The following MAN1A1 variants were observed in gnomAD, a reference collection of about 807,000 sequenced individuals.
MAN1A1 encodes the protein mannosidase alpha class 1A member 1.
MAN1A1 carries 29 observed loss-of-function variants against 70.8 expected under a neutral mutation model. The ratio of observed to expected loss-of-function variants is 0.41; its 90% CI spans 0.31 to 0.56. The LOEUF (loss-of-function observed/expected upper bound fraction) is 0.56. MAN1A1 is among the 20% of genes least tolerant of loss of function. The pLI is 0.29. For missense variants in MAN1A1, 747 were observed against 841.3 expected, an observed-to-expected ratio of 0.89 and a Z score of 1.39; for synonymous variants, 349 against 330.1, an observed-to-expected ratio of 1.06 and a Z score of -0.62.
chr6:119,193,822 G>A lies in MAN1A1; in HGVS notation c.1281C>T (p.Asp427=). Residue 427 remains aspartate, a synonymous_variant, in exon 9 of 13, where the codon GAC becomes GAT. Transcript: ENST00000368468. ...TCTTCTTAGCTTCCAGATCTGTCTT[G>A]TCAGACATTAACCAGGCCTTCAGCA... ...EYLLKAWLMS[D]KTDLEAKKMY... 6.2e-7 allele frequency: 1 copy of A among 1,613,698 alleles called. No homozygotes were observed. Among genetic ancestry groups the A allele is most frequent in the Non-Finnish European group, 8.5e-7 (1 of 1,179,766 alleles).
chr6:119,197,780 C>T (rs1773611566), intron 8 of MAN1A1, among the ~76,000 whole-genome samples: 1 of 151,822 alleles, frequency 6.6e-6, no homozygotes, highest in Non-Finnish European at 1.5e-5. Flanking sequence ...AGCTAAGACT[C>T]ATCAATCCTG....
intron 6 of MAN1A1, chr6:119,210,798 G>A (rs765724243): frequency 3.9e-5 from 12 of 310,798 alleles, no homozygotes; most frequent in Non-Finnish European, 6.0e-5. Flanking sequence ...CTGATAATGA[G>A]GAAGGACTTG....
intron 2 of MAN1A1, 100 bp from the exon 3 acceptor site, chr6:119,307,092 C>T: frequency 1.3e-6 from 1 of 755,990 alleles, no homozygotes; most frequent in East Asian, 2.6e-5. Flanking sequence ...CATTAAAATT[C>T]ATTAGTTAAA....
chr6:119,253,702 T>C (rs1775386858), intron 5 of MAN1A1, among the ~76,000 whole-genome samples: 1 of 152,228 alleles, frequency 6.6e-6, no homozygotes, highest in African/African-American at 2.4e-5. Flanking sequence ...TGTTTGAGCC[T>C]AGTTATAATG....
chr6:119,234,760 A>G (rs1471134509), intron 6 of MAN1A1, among the ~76,000 whole-genome samples: 1 of 152,136 alleles, frequency 6.6e-6, no homozygotes, highest in Non-Finnish European at 1.5e-5. Context: ...AAATTTACAT[A>G]CGGGGATACC....
At chr6:119,323,491 G>A (rs1006211663) in intron 2 of MAN1A1, among the ~76,000 whole-genome samples, 10 of 151,984 alleles carry the variant, frequency 6.6e-5, no homozygotes, top group African/African-American at 2.4e-4. Context: ...CTTAGTTGAT[G>A]CCCAACATAT....
intron 5 of MAN1A1, among the ~76,000 whole-genome samples, chr6:119,260,984 T>C (rs1423310947): frequency 4.4e-5 from 6 of 136,918 alleles, no homozygotes; most frequent in South Asian, 2.3e-4. Flanking sequence ...TTGTTTTTTT[T>C]TTTTTTTTTT....
In MAN1A1 at chr6:119,189,677, T is replaced by C. The variant is rs1773386498; in HGVS notation, c.1533A>G (p.Ser511=). The C allele has an allele frequency of 4.3e-6, 7 of 1,613,866 alleles. 1 individual carries two copies. In the Admixed American group the frequency reaches 5.0e-5, roughly 12 times the overall value. The change falls in exon 10 of 13, where the codon TCA becomes TCG. Residue 511 remains serine (S), a synonymous_variant. Coordinates refer to ENST00000368468, the MANE Select transcript of MAN1A1 (RefSeq NM_005907.4). The part of the protein sequence containing the change: ...GAEIARTCHE[S]YNRTFMKLGP... ...ACATGTACTCACATGTTCGATTATA[T>C]GATTCATGACAAGTACGGGCAATTT...
At chr6:119,322,986 T>G (rs546539795) in intron 2 of MAN1A1, among the ~76,000 whole-genome samples, 23 of 152,196 alleles carry the variant, frequency 1.5e-4, no homozygotes, top group Non-Finnish European at 3.2e-4. Context: ...TGGCTGGACT[T>G]TGCCCAAACC....
At chr6:119,194,091 A>G (rs993247020) in intron 8 of MAN1A1, among the ~76,000 whole-genome samples, 199 bp from the exon 9 acceptor site, 2 of 152,228 alleles carry the variant, frequency 1.3e-5, no homozygotes, top group Non-Finnish European at 2.9e-5. Context: ...CATACTCTAA[A>G]TAATTACCAG....
intron 6 of MAN1A1, among the ~76,000 whole-genome samples, chr6:119,221,683 C>T (rs1269392738): frequency 6.6e-6 from 1 of 151,956 alleles, no homozygotes; most frequent in Non-Finnish European, 1.5e-5. Context: ...AAACTCCTGA[C>T]CTCAAGTAAT....
At chr6:119,195,927 A>G (rs1042459517) in intron 8 of MAN1A1, among the ~76,000 whole-genome samples, 2 of 152,208 alleles carry the variant, frequency 1.3e-5, no homozygotes, top group African/African-American at 4.8e-5. Flanking sequence ...GACATTTACA[A>G]ACTAAATAGA....
chr6:119,317,380 T>C (rs1252481023), intron 2 of MAN1A1, among the ~76,000 whole-genome samples: 1 of 152,148 alleles, frequency 6.6e-6, no homozygotes, highest in African/African-American at 2.4e-5. Flanking sequence ...AAATCCTCTA[T>C]GTTGTGCTTA....
intron 6 of MAN1A1, among the ~76,000 whole-genome samples, chr6:119,224,750 A>G (rs1166388829): frequency 2.0e-5 from 3 of 152,136 alleles, no homozygotes; most frequent in Non-Finnish European, 2.9e-5. Context: ...CAAAGCAACT[A>G]TTTAAATACA....
intron 5 of MAN1A1, among the ~76,000 whole-genome samples, chr6:119,256,879 C>T (rs1033724359): frequency 6.6e-6 from 1 of 152,126 alleles, no homozygotes; most frequent in African/African-American, 2.4e-5. Flanking sequence ...ACGAGAGATA[C>T]ATGAGAAAAA....
rs1774328615 is a variant in MAN1A1, at chr6:119,220,458, G to A, written c.993-15576C>T. Among the ~76,000 whole-genome samples the A allele has an allele frequency of 2.0e-5, 3 of 152,012 alleles. No individual in the cohort carries two copies. In the South Asian group the frequency reaches 6.2e-4, roughly 32 times the overall value. On this transcript the variant is annotated intron_variant, in intron 6 of 12. Transcript: ENST00000368468. The stretch of plus-strand genomic sequence containing the variant: ...TTTAGAATGACTTGTAAACAAATAA[G>A]GCAATGCATATAACCAATGTTAAAC...
In MAN1A1 at chr6:119,204,204, G is replaced by A. The variant is rs191623740; in HGVS notation, c.1116+555C>T. Among the ~76,000 whole-genome samples, 258 of 152,336 alleles carry A rather than the reference G, an allele frequency of 1.7e-3. 1 individual carries two copies. The highest frequency in any genetic ancestry group is 3.9e-3 in the Admixed American group (59 of 15,308). Reference sequence around the variant, plus strand: ...GTGCTCACTGGTCACTGTGACAGGTGTGGCTGGGGGAAAAGTCCTACTGGA... The same window carrying A: ...GTGCTCACTGGTCACTGTGACAGGTATGGCTGGGGGAAAAGTCCTACTGGA... On this transcript the variant is annotated intron_variant, in intron 7 of 12. Transcript: ENST00000368468.
chr6:119,277,933 T>A (rs1341019253), intron 5 of MAN1A1, among the ~76,000 whole-genome samples: 25 of 30,746 alleles, frequency 8.1e-4, no homozygotes, highest in Middle Eastern at 0.029. Flanking sequence ...CAAGACTCCA[T>A]CTCAAAAAAA....
intron 6 of MAN1A1, among the ~76,000 whole-genome samples, chr6:119,231,517 T>C (rs1008206846): frequency 6.6e-6 from 1 of 152,166 alleles, no homozygotes; most frequent in Admixed American, 6.5e-5. Context: ...TTTTTCTTCA[T>C]AGCGGTGTGA....
Sources: allele counts gnomAD v4.1 joint callset (sites outside exome capture counted in the v4.1 genomes callset), GRCh38; gene constraint gnomAD v4.1.1; transcripts MANE v1.5; gene names NCBI Gene and HGNC (gene_info 2026-07-23, HGNC 2026-07-21).